The following MAGI2 variants were observed in gnomAD, a reference collection of about 807,000 sequenced individuals.
MAGI2 encodes membrane-associated guanylate kinase, WW and PDZ domain-containing protein 2.
A neutral mutation model predicts 133.3 loss-of-function variants in MAGI2; 35 were observed. That is an observed-to-expected ratio of 0.26 (90% confidence interval 0.20 to 0.35). The LOEUF is 0.35. Ranked by LOEUF, MAGI2 falls within the 10% of genes least tolerant of loss-of-function variation. The pLI, the probability that MAGI2 is intolerant of heterozygous loss-of-function variation, is 1.00. For missense variants in MAGI2, 1,636 were observed against 1,863.4 expected (o/e 0.88, Z 2.25); for synonymous variants, 729 against 710.6 (o/e 1.03, Z -0.41).
intron 3 of MAGI2, among the ~76,000 whole-genome samples, chr7:78,542,710 A>G (rs185108369): frequency 2.8e-4 from 42 of 152,340 alleles, no homozygotes; most frequent in African/African-American, 1.0e-3. Context: ...GAAGCATAAC[A>G]TGTAAGGGGA....
At chr7:78,677,525 T>C (rs1205516112) in intron 2 of MAGI2, among the ~76,000 whole-genome samples, 1 of 151,936 alleles carries the variant, frequency 6.6e-6, no homozygotes, top group Non-Finnish European at 1.5e-5. Flanking sequence ...TGAAGATTGG[T>C]CTTTCCTATC....
At chr7:78,531,697 A>T (rs1457251778) in intron 3 of MAGI2, among the ~76,000 whole-genome samples, 1 of 152,214 alleles carries the variant, frequency 6.6e-6, no homozygotes, top group Non-Finnish European at 1.5e-5. Context: ...GATAAAGAAA[A>T]CTGAGCCTTT....
At chr7:79,362,320 C>T (rs746461608) in intron 1 of MAGI2, among the ~76,000 whole-genome samples, 5 of 151,814 alleles carry the variant, frequency 3.3e-5, no homozygotes, top group Non-Finnish European at 5.9e-5. Flanking sequence ...CCAAACTCAA[C>T]CAAAATGAAA....
chr7:79,264,775 G>T (rs1834323557), intron 1 of MAGI2, among the ~76,000 whole-genome samples: 1 of 151,924 alleles, frequency 6.6e-6, no homozygotes, highest in Non-Finnish European at 1.5e-5. Context: ...ATCTAGTGAG[G>T]GCTTCAGGCT....
intron 3 of MAGI2, among the ~76,000 whole-genome samples, chr7:78,527,006 CAAAAAAAAAAA>C (rs55707442): frequency 2.4e-4 from 11 of 45,410 alleles, no homozygotes; most frequent in Non-Finnish European, 2.7e-4. Flanking sequence ...GACTCCATCT[CAAAAAAAAAAA>C]AAAAAAAAAA....
chr7:78,928,764 G>A (rs571616904), intron 2 of MAGI2, among the ~76,000 whole-genome samples: 9 of 151,988 alleles, frequency 5.9e-5, no homozygotes, highest in South Asian at 2.1e-4. Flanking sequence ...GAAATGCACC[G>A]GAGAGAACAG....
chr7:78,810,172 G>A (rs1788920383), intron 2 of MAGI2, among the ~76,000 whole-genome samples: 1 of 151,738 alleles, frequency 6.6e-6, no homozygotes, highest in Non-Finnish European at 1.5e-5. Context: ...ATAAGTTATA[G>A]ATTTTTTTTT....
At chr7:79,364,143 TG>T (rs1452316158) in intron 1 of MAGI2, among the ~76,000 whole-genome samples, 1 of 151,946 alleles carries the variant, frequency 6.6e-6, no homozygotes. Context: ...TTTGTAGGAA[TG>T]TAAATTAGAC....
Position 78,839,109 on chromosome 7 carries a change from G to A in MAGI2, c.418+167981C>T, listed in dbSNP as rs199583205. ...AGGGTGGAATGGGAGGAAAGAATGG[G>A]AAGGAGTGATGGAAAGAGAAGCATA... On this transcript the variant is annotated intron_variant, in intron 2 of 21. Transcript: ENST00000354212. Among the ~76,000 whole-genome samples the A allele has an allele frequency of 5.3e-5, 8 of 152,068 alleles. No homozygotes were observed. In the East Asian group the frequency reaches 1.5e-3, roughly 29 times the overall value.
chr7:78,395,364 A>G (rs1189491437), intron 6 of MAGI2, among the ~76,000 whole-genome samples: 1 of 152,186 alleles, frequency 6.6e-6, no homozygotes, highest in Non-Finnish European at 1.5e-5. Flanking sequence ...AGTGTAGAGA[A>G]AGCTGTAGCT....
intron 1 of MAGI2, among the ~76,000 whole-genome samples, chr7:79,322,614 G>A (rs559934928): frequency 4.0e-5 from 6 of 151,778 alleles, no homozygotes; most frequent in Admixed American, 1.3e-4. Context: ...GGTGAAACCC[G>A]TCTCTACTAA....
chr7:79,447,345 G>A (rs1434900088), intron 1 of MAGI2, among the ~76,000 whole-genome samples: 1 of 152,088 alleles, frequency 6.6e-6, no homozygotes, highest in Non-Finnish European at 1.5e-5. Context: ...AGAGACAGAA[G>A]AGAGCTGAGA....
chr7:78,390,181 T>C (rs1329920680), intron 6 of MAGI2, among the ~76,000 whole-genome samples: 1 of 152,210 alleles, frequency 6.6e-6, no homozygotes, highest in African/African-American at 2.4e-5. Flanking sequence ...GAGTAATATA[T>C]TTAAACCCCC....
intron 1 of MAGI2, among the ~76,000 whole-genome samples, chr7:79,082,890 A>T (rs1290782378): frequency 6.6e-6 from 1 of 151,556 alleles, no homozygotes; most frequent in Non-Finnish European, 1.5e-5. Context: ...TTTTTTCAGC[A>T]ATGTTTTGTT....
intron 1 of MAGI2, among the ~76,000 whole-genome samples, chr7:79,262,600 C>CT (rs1363785764): frequency 6.6e-6 from 1 of 152,124 alleles, no homozygotes; most frequent in Non-Finnish European, 1.5e-5. Flanking sequence ...CTTTCTGTCA[C>CT]TTTTTTGGCT....
chr7:78,186,579 T>C lies in MAGI2; in HGVS notation c.2270-909A>G, dbSNP rs17149788. Reference sequence around the variant, plus strand: ...CTTGATTTTCATTCTGCCTTCTAAATCCCTGGTCTTACTATCATAGAGGCA... The same window carrying C: ...CTTGATTTTCATTCTGCCTTCTAAACCCCTGGTCTTACTATCATAGAGGCA... On this transcript the variant is annotated intron_variant, in intron 12 of 21. Transcript: ENST00000354212. Among the ~76,000 whole-genome samples the C allele has an allele frequency of 6.2e-3, 944 of 152,212 alleles. 7 individuals carry two copies. The highest frequency in any genetic ancestry group is 0.022 in the African/African-American group (896 of 41,526).
At chr7:79,333,769 G>T (rs1840245779) in intron 1 of MAGI2, among the ~76,000 whole-genome samples, 1 of 151,958 alleles carries the variant, frequency 6.6e-6, no homozygotes, top group Admixed American at 6.6e-5. Context: ...AAATAAAAAA[G>T]ACAATGGAGT....
intron 9 of MAGI2, among the ~76,000 whole-genome samples, chr7:78,282,751 G>C (rs1795749838): frequency 6.6e-6 from 1 of 151,994 alleles, no homozygotes; most frequent in African/African-American, 2.4e-5. Flanking sequence ...TGATCAATCT[G>C]GATTAAGATA....
intron 1 of MAGI2, among the ~76,000 whole-genome samples, chr7:79,088,494 A>G (rs1044731898): frequency 2.0e-5 from 3 of 151,670 alleles, no homozygotes; most frequent in Admixed American, 6.6e-5. Context: ...CTATTTGAAT[A>G]CTTTATTTCT....
Sources: gnomAD v4.1 joint callset for allele counts (sites outside exome capture counted in the v4.1 genomes callset) on GRCh38, gnomAD v4.1.1 for gene constraint, MANE v1.5 for transcripts, NCBI Gene and HGNC (gene_info 2026-07-23, HGNC 2026-07-21) for gene names.